The following LDLRAD3 variants were observed in gnomAD, a reference collection of about 807,000 sequenced individuals.
LDLRAD3 encodes low-density lipoprotein receptor class A domain-containing protein 3.
Under a neutral mutation model 29.4 loss-of-function variants are expected in LDLRAD3, and 20 were observed. That is an observed-to-expected ratio of 0.68 (90% CI 0.48 to 0.99). The LOEUF (loss-of-function observed/expected upper bound fraction) is 0.99. Among genes scored for constraint, LDLRAD3 ranks in the 50% least tolerant of loss-of-function variants. The pLI, the probability that LDLRAD3 is intolerant of heterozygous loss-of-function variation, is 0.00. For missense variants in LDLRAD3, 420 were observed against 454.3 expected (o/e 0.92, Z 0.69); for synonymous variants, 157 against 192.7 (o/e 0.81, Z 1.53).
chr11:36,206,437 G>A (rs7931405), intron 4 of LDLRAD3, among the ~76,000 whole-genome samples: 85,029 of 152,054 alleles, frequency 0.56, 24,679 homozygotes, highest in African/African-American at 0.71. Flanking sequence ...ACTCTACAAC[G>A]TGGGAGAGAG....
intron 4 of LDLRAD3, among the ~76,000 whole-genome samples, chr11:36,150,624 G>A (rs558089583): frequency 5.3e-5 from 8 of 150,410 alleles, no homozygotes; most frequent in Admixed American, 3.3e-4. Context: ...GCGTGGTGGC[G>A]GGCGCCTGTA....
intron 1 of LDLRAD3, among the ~76,000 whole-genome samples, chr11:36,006,459 C>T (rs182469893): frequency 3.9e-5 from 6 of 152,278 alleles, no homozygotes; most frequent in Admixed American, 2.0e-4. Flanking sequence ...CAGGCATATA[C>T]GAAGTAGGAG....
chr11:36,081,805 G>A (rs1460966318), intron 3 of LDLRAD3, 27 bp downstream of exon 3: 1 of 1,612,920 alleles, frequency 6.2e-7, no homozygotes, highest in Non-Finnish European at 8.5e-7. Context: ...TGAACACTGT[G>A]ATCCCTTGTT....
intron 4 of LDLRAD3, among the ~76,000 whole-genome samples, chr11:36,161,593 GA>G (rs1854440820): frequency 1.3e-5 from 2 of 152,030 alleles, no homozygotes; most frequent in African/African-American, 4.8e-5. Context: ...TGGATGGATG[GA>G]TGGATGGATG....
At chr11:36,217,822 A>G (rs966664200) in intron 4 of LDLRAD3, among the ~76,000 whole-genome samples, 2 of 152,094 alleles carry the variant, frequency 1.3e-5, no homozygotes, top group African/African-American at 4.8e-5. Flanking sequence ...TCTGCCTTCA[A>G]CTTCGCATGG....
At chr11:36,128,620 G>A (rs931241413) in intron 4 of LDLRAD3, among the ~76,000 whole-genome samples, 1 of 152,154 alleles carries the variant, frequency 6.6e-6, no homozygotes, top group East Asian at 1.9e-4. Context: ...AGGCTGAAGT[G>A]GGTAGATTGC....
At chr11:36,019,710 C>A (rs262426) in intron 1 of LDLRAD3, among the ~76,000 whole-genome samples, 67,782 of 152,102 alleles carry the variant, frequency 0.45, 16,508 homozygotes, top group Admixed American at 0.55. Context: ...TAGCCCATCA[C>A]ACTGTGTTGC....
chr11:36,166,859 G>A (rs11033475), intron 4 of LDLRAD3, among the ~76,000 whole-genome samples: 2,996 of 152,238 alleles, frequency 0.02, 107 homozygotes, highest in African/African-American at 0.069. Context: ...AGGAGATGCC[G>A]CTGCTGCTGA....
intron 4 of LDLRAD3, among the ~76,000 whole-genome samples, chr11:36,104,055 G>C (rs966937170): frequency 2.6e-5 from 4 of 152,216 alleles, no homozygotes; most frequent in African/African-American, 9.6e-5. Flanking sequence ...AGTGGCGGCT[G>C]TCAGTCCCGA....
At chr11:36,095,971 G>A (rs1457663907) in intron 3 of LDLRAD3, among the ~76,000 whole-genome samples, 1 of 150,716 alleles carries the variant, frequency 6.6e-6, no homozygotes, top group Non-Finnish European at 1.5e-5. Flanking sequence ...TGTGGTTTTG[G>A]ATTTCTCCAT....
chr11:36,101,037 G>T lies in LDLRAD3; in HGVS notation c.454+2576G>T, dbSNP rs955963053. Among the ~76,000 whole-genome samples the T allele has an allele frequency of 3.9e-5, 6 of 152,206 alleles. No individual in the cohort carries two copies. The South Asian group carries it at 6.2e-4, about 16-fold the overall frequency. The stretch of plus-strand genomic sequence containing the variant: ...AGGTTTATGGAGAAAGTTAGTGGTG[G>T]ACACATACATATGAAGCCCAACTCT... On this transcript the variant is annotated intron_variant, in intron 4 of 5. Coordinates refer to ENST00000315571, the MANE Select transcript of LDLRAD3 (RefSeq NM_174902.4).
At chr11:35,995,207 T>C (rs1392791787) in intron 1 of LDLRAD3, among the ~76,000 whole-genome samples, 3 of 152,218 alleles carry the variant, frequency 2.0e-5, no homozygotes, top group African/African-American at 7.2e-5. Context: ...TAAATAAGAC[T>C]TGAAAGTTGG....
intron 4 of LDLRAD3, among the ~76,000 whole-genome samples, chr11:36,122,977 A>G (rs1336203580): frequency 6.6e-6 from 1 of 152,138 alleles, no homozygotes; most frequent in African/African-American, 2.4e-5. Context: ...GGAGTTTGAG[A>G]CCAGCCTGGG....
At chr11:35,961,198 GC>G (rs1214881300) in intron 1 of LDLRAD3, among the ~76,000 whole-genome samples, 1 of 152,218 alleles carries the variant, frequency 6.6e-6, no homozygotes, top group Admixed American at 6.5e-5. Flanking sequence ...TCAGCCATGT[GC>G]TCCTCCTCCC....
At chr11:36,043,820 GA>G (rs1248466629) in intron 2 of LDLRAD3, among the ~76,000 whole-genome samples, 1 of 152,198 alleles carries the variant, frequency 6.6e-6, no homozygotes. Context: ...TTGAGCCTCA[GA>G]AAACATAACT....
At chr11:35,979,601 T>G (rs890403122) in intron 1 of LDLRAD3, among the ~76,000 whole-genome samples, 3 of 152,208 alleles carry the variant, frequency 2.0e-5, no homozygotes, top group African/African-American at 7.2e-5. Flanking sequence ...GCGTTGAGAC[T>G]GTCTGTCTCA....
chr11:36,213,417 T>A lies in LDLRAD3; in HGVS notation c.455-13668T>A, dbSNP rs1441862017. Among the ~76,000 whole-genome samples, 1 of 152,242 alleles carries A rather than the reference T, an allele frequency of 6.6e-6. No homozygotes were observed. Among genetic ancestry groups the A allele is most frequent in the African/African-American group, 2.4e-5 (1 of 41,464 alleles). ...TGCCCTTTAAATTAAACTTTTTCAA[T>A]CCGCATCTAAATTGGGATGGGTGAT... On this transcript the variant is annotated intron_variant, in intron 4 of 5. Coordinates refer to ENST00000315571, the MANE Select transcript of LDLRAD3 (RefSeq NM_174902.4). This position sits in a 1 kb window ranked among gnomAD's most constrained non-coding sequence, Gnocchi z 4.1.
chr11:36,152,103 C>T (rs1012457831), intron 4 of LDLRAD3, among the ~76,000 whole-genome samples: 3 of 152,110 alleles, frequency 2.0e-5, no homozygotes, highest in South Asian at 2.1e-4. Context: ...GAACTGAAAC[C>T]GCAAATTGGC....
intron 2 of LDLRAD3, among the ~76,000 whole-genome samples, chr11:36,043,406 C>T (rs1427301383): frequency 6.6e-6 from 1 of 152,106 alleles, no homozygotes; most frequent in Admixed American, 6.5e-5. Flanking sequence ...TCATTTTTTT[C>T]CTTTAACAAT....
Sources: gnomAD v4.1 joint callset for allele counts (sites outside exome capture counted in the v4.1 genomes callset) on GRCh38, gnomAD v4.1.1 for gene constraint, Gnocchi (gnomAD v3.1) non-coding constraint, MANE v1.5 for transcripts, NCBI Gene and HGNC (gene_info 2026-07-23, HGNC 2026-07-21) for gene names.